Variants in MAP1S observed in about 807,000 individuals in gnomAD.
MAP1S encodes microtubule associated protein 1S.
MAP1S carries 27 observed loss-of-function variants against 60.9 expected under a neutral mutation model. The ratio of observed to expected loss-of-function variants is 0.44; its 90% CI spans 0.33 to 0.61. The LOEUF (loss-of-function observed/expected upper bound fraction) is 0.61. MAP1S is among the 20% of genes least tolerant of loss of function. MAP1S has a pLI of 0.03. For missense variants in MAP1S, 1,608 were observed against 1,486.6 expected (o/e 1.08, Z -1.34); for synonymous variants, 826 against 694.2 (o/e 1.19, Z -2.98).
intron 1 of MAP1S, chr19:17,719,962 C>T: frequency 3.5e-6 from 1 of 284,912 alleles, no homozygotes; most frequent in Non-Finnish European, 5.3e-6. Flanking sequence ...CTGGCCTGCC[C>T]GGGGGTAGGG....
intron 5 of MAP1S, among the ~76,000 whole-genome samples, chr19:17,731,704 C>T (rs761813869): frequency 5.9e-5 from 9 of 152,290 alleles, no homozygotes; most frequent in East Asian, 1.9e-4. Flanking sequence ...CTCACTCTGT[C>T]GCCCAGGCTG....
intron 1 of MAP1S, chr19:17,720,063 C>T: frequency 1.9e-6 from 2 of 1,065,640 alleles, no homozygotes; most frequent in Non-Finnish European, 2.3e-6. Flanking sequence ...GGGCCTGGAG[C>T]CCCGGGGCCC....
intron 1 of MAP1S, 120 bp from the exon 2 acceptor site, chr19:17,720,816 A>C (rs1390239864): frequency 1.3e-6 from 1 of 797,348 alleles, no homozygotes; most frequent in Non-Finnish European, 2.2e-6. Flanking sequence ...CTGAGTCTCC[A>C]AGCTGTGAGT....
intron 5 of MAP1S, among the ~76,000 whole-genome samples, chr19:17,729,912 C>T (rs1159177821): frequency 1.3e-5 from 2 of 152,168 alleles, no homozygotes; most frequent in Non-Finnish European, 2.9e-5. Flanking sequence ...CTGCCCGCCT[C>T]GGCCTCCCAA....
Position 17,725,276 on chromosome 19 carries a change from G to A in MAP1S, c.444+87G>A, listed in dbSNP as rs940977470. ...GGCTGTGTGGCACCAGCGACCTGCT[G>A]TTTTCCATGGCCTGGTCTCCCCATC... On this transcript the variant is annotated intron_variant, in intron 4 of 6. Transcript: ENST00000324096. This position sits in a 1 kb window ranked among gnomAD's most constrained non-coding sequence, Gnocchi z 4.2. The A allele has an allele frequency of 6.8e-7, 1 of 1,475,912 alleles. No individual in the cohort carries two copies. Among genetic ancestry groups the A allele is most frequent in the Admixed American group, 2.1e-5 (1 of 47,078 alleles). 91.4% of individuals were successfully genotyped at this position (1,475,912 alleles called of 1,614,324 possible). A position where few individuals can be genotyped will look rare whatever the true frequency, so the allele number is the denominator to read the frequency against.
In MAP1S at chr19:17,733,259, C is replaced by G. The variant is rs1568296862; in HGVS notation, c.2855C>G (p.Ala952Gly). Residue 952 changes from alanine to glycine, a missense_variant, in exon 6 of 7, where the codon GCC (alanine) becomes GGC (glycine). By Grantham distance (60) the Ala-to-Gly change is moderately conservative (BLOSUM62 0). Around this residue, in one of 4 missense-constraint regions of MAP1S, gnomAD observed 1,167 missense variants for 961.4 expected, o/e 1.21. Coordinates refer to ENST00000324096, the MANE Select transcript of MAP1S (RefSeq NM_018174.6). ...AAGTCCCCGGTCTACCTGGACCTGG[C>G]CTACCTGCCCAGCGGGAGCAGCGCC... ...PPKSPVYLDL[A>G]YLPSGSSAHL... 2 of 1,558,592 alleles carry G rather than the reference C, an allele frequency of 1.3e-6. No homozygotes were observed. The highest frequency in any genetic ancestry group is 1.9e-5 in the Admixed American group (1 of 52,108).
chr19:17,733,560 T>TTC, intron 6 of MAP1S, 132 bp downstream of exon 6: 1 of 709,162 alleles, frequency 1.4e-6, no homozygotes, highest in Non-Finnish European at 2.3e-6. Flanking sequence ...GAGTCTCACA[T>TTC]GGCTCAGCCC....
chr19:17,721,104 A>C, intron 2 of MAP1S, 67 bp downstream of exon 2: 1 of 1,248,918 alleles, frequency 8.0e-7, no homozygotes, highest in Non-Finnish European at 1.2e-6. Flanking sequence ...GCCGTGTGCC[A>C]GGCATGGGGG....
At chr19:17,722,865 GAAGGAAAGA>G (rs147299701) in intron 2 of MAP1S, among the ~76,000 whole-genome samples, 137 of 152,088 alleles carry the variant, frequency 9.0e-4, no homozygotes, top group East Asian at 1.4e-3. Flanking sequence ...AAAGGGAAAA[GAAGGAAAGA>G]AAGGAAAGAA....
At position 17,733,287 on chromosome 19, in the gene MAP1S, C is replaced by G. The variant is rs1250788149; in HGVS notation, c.2883C>G (p.His961Gln). ...LAYLPSGSSA[H>Q]LVDEEFFQRV... ...ACCTGCCCAGCGGGAGCAGCGCCCA[C>G]CTGGTGGATGAGGAGTTCTTCCAGC... Residue 961 changes from histidine to glutamine, a missense_variant, in exon 6 of 7, where the codon CAC becomes CAG. His to Gln is a conservative substitution (Grantham distance 24). Transcript: ENST00000324096. 9 of 1,580,430 alleles carry G rather than the reference C, an allele frequency of 5.7e-6. No individual in the cohort carries two copies. The East Asian group carries it at 7.0e-5, about 12-fold the overall frequency.
At chr19:17,722,062 T>G (rs1315754059) in intron 2 of MAP1S, among the ~76,000 whole-genome samples, 1 of 152,160 alleles carries the variant, frequency 6.6e-6, no homozygotes, top group South Asian at 2.1e-4. Context: ...AAAGTGGAGC[T>G]GGAAATCCTG....
At chr19:17,721,513 C>A in intron 2 of MAP1S, 1 of 218,070 alleles carries the variant, frequency 4.6e-6, no homozygotes, top group South Asian at 5.4e-5. Context: ...CCTGTCTCTA[C>A]TAAGAATACA....
rs779826044 is a variant in MAP1S, at chr19:17,728,143, C to T, written c.2759C>T (p.Thr920Ile). The change falls in exon 5 of 7, where the codon ACC becomes ATC. Residue 920 changes from threonine to isoleucine, a missense_variant. By Grantham distance (89) the Thr-to-Ile change is moderately conservative. This residue lies in a region of MAP1S where 1,167 missense variants were observed against 961.4 expected (regional missense o/e 1.21). Transcript: ENST00000324096. ...GCACCCCTGTCCAGAAAGTCCTCAA[C>T]CCCCAAGACTGCCACTCGAGGCCCG... ...GRAPLSRKSS[T>I]PKTATRGPSG... 1.3e-5 allele frequency: 21 copies of T among 1,602,148 alleles called. No individual in the cohort carries two copies.
rs756202951 is a variant in MAP1S, at chr19:17,727,228, C to G, written c.1844C>G (p.Pro615Arg). 6.4e-7 allele frequency: 1 copy of G among 1,565,302 alleles called. No individual in the cohort carries two copies. Among genetic ancestry groups the G allele is most frequent in the East Asian group, 2.4e-5 (1 of 42,362 alleles). The change falls in exon 5 of 7, where the codon CCG (proline) becomes CGG (arginine). Residue 615 changes from proline (P) to arginine (R), a missense_variant. Transcript: ENST00000324096. This position sits in a 1 kb window ranked among gnomAD's most constrained non-coding sequence, Gnocchi z 4.1. ...GCCACGCCCAGCCTGGAGCTGGGGC[C>G]GATCCCAGCCGGGGAGGAGAAGGCA... ...LVATPSLELG[P>R]IPAGEEKALE...
intron 5 of MAP1S, among the ~76,000 whole-genome samples, chr19:17,731,475 T>A (rs1336375872): frequency 6.6e-6 from 1 of 152,226 alleles, no homozygotes; most frequent in African/African-American, 2.4e-5. Flanking sequence ...TGTCTGTCTT[T>A]ATGCCAGTGC....
chr19:17,727,491 G>A lies in MAP1S; in HGVS notation c.2107G>A (p.Glu703Lys). The A allele has an allele frequency of 6.2e-7, 1 of 1,610,862 alleles. No individual in the cohort carries two copies. Among genetic ancestry groups the A allele is most frequent in the Non-Finnish European group, 8.5e-7 (1 of 1,179,154 alleles). ...GGACGAGTCCCTGTCGGTGTCCTTT[G>A]AGCAGGTGCTGCCGCCATCCGCCCC... ...EVDESLSVSF[E>K]QVLPPSAPTS... The change falls in exon 5 of 7, where the codon GAG becomes AAG. Residue 703 changes from glutamate (E) to lysine (K), a missense_variant. By Grantham distance (56) the Glu-to-Lys change is moderately conservative (BLOSUM62 1). Around this residue, in one of 4 missense-constraint regions of MAP1S, gnomAD observed 1,167 missense variants for 961.4 expected, o/e 1.21. Coordinates refer to ENST00000324096, the MANE Select transcript of MAP1S (RefSeq NM_018174.6). The surrounding 1 kb of genome is among the most constrained non-coding windows in gnomAD (Gnocchi z 4.1).
At chr19:17,724,974 G>A (rs998973977) in intron 3 of MAP1S, 75 bp from the exon 4 acceptor site, 9 of 1,596,462 alleles carry the variant, frequency 5.6e-6, no homozygotes, top group African/African-American at 2.7e-5. Context: ...GTATCGACTC[G>A]AGGCTACCCC....
In MAP1S at chr19:17,734,410, C is replaced by A; in HGVS notation, c.3162C>A (p.Ala1054=). ...CCATGCAGGATGACGCCTTCCCGGC[C>A]TGCAAGGTGGAGTTCTAGCCCCATC... ...MVSMQDDAFP[A]CKVEF is the part of the protein sequence containing the mutation. The change falls in exon 7 of 7, where the codon GCC becomes GCA. Residue 1054 remains alanine (A), a synonymous_variant. Transcript: ENST00000324096. 6.2e-7 allele frequency: 1 copy of A among 1,612,622 alleles called. No individual in the cohort carries two copies.
Position 17,733,328 on chromosome 19 carries a change from G to T in MAP1S, c.2924G>T (p.Cys975Phe). 1 of 1,608,440 alleles carries T rather than the reference G, an allele frequency of 6.2e-7. No individual in the cohort carries two copies. The highest frequency in any genetic ancestry group is 8.5e-7 in the Non-Finnish European group (1 of 1,178,248). The change falls in exon 6 of 7, where the codon TGC becomes TTC. Residue 975 changes from cysteine to phenylalanine, a missense_variant. Coordinates refer to ENST00000324096, the MANE Select transcript of MAP1S (RefSeq NM_018174.6). ...TTCTTCCAGCGCGTGCGCGCGCTCT[G>T]CTACGTCATCAGTGGCCAGGACCAG... ...EEFFQRVRAL[C>F]YVISGQDQRK...
Sources: allele counts gnomAD v4.1 joint callset (sites outside exome capture counted in the v4.1 genomes callset), GRCh38; gene constraint gnomAD v4.1.1; regional missense constraint gnomAD v4.1.1; non-coding constraint Gnocchi (gnomAD v3.1); transcripts MANE v1.5; gene names NCBI Gene and HGNC (gene_info 2026-07-23, HGNC 2026-07-21).